The following ASB15 variants were observed in gnomAD, a reference collection of about 807,000 sequenced individuals.
ASB15 encodes the protein ankyrin repeat and SOCS box protein 15.
A neutral mutation model predicts 58.0 loss-of-function variants in ASB15; 54 were observed. That is an observed-to-expected ratio of 0.93 (90% confidence interval 0.75 to 1.17). The LOEUF (loss-of-function observed/expected upper bound fraction) is 1.17, where lower values mean the gene tolerates loss of function less well. Ranked by LOEUF, ASB15 falls within the 50% of genes most tolerant of loss-of-function variation. The probability of loss-of-function intolerance (pLI) is 0.00; values close to 1 mark genes in which losing one functional copy is unlikely to be tolerated. For synonymous variants in ASB15, 249 were observed against 262.4 expected, an observed-to-expected ratio of 0.95 and a Z score of 0.50; for missense variants, 680 against 707.4, an observed-to-expected ratio of 0.96 and a Z score of 0.44.
chr7:123,570,183 C>T (rs544317763), intron 1 of ASB15, among the ~76,000 whole-genome samples: 334 of 151,866 alleles, frequency 2.2e-3, no homozygotes, highest in Non-Finnish European at 3.4e-3. Flanking sequence ...CACAGGCGCC[C>T]GCCACCATGC....
chr7:123,574,905 T>TA (rs1562907295), intron 1 of ASB15, among the ~76,000 whole-genome samples: 1 of 151,834 alleles, frequency 6.6e-6, no homozygotes, highest in Non-Finnish European at 1.5e-5. Flanking sequence ...ACATCATACT[T>TA]GTTTAACTCT....
intron 6 of ASB15, among the ~76,000 whole-genome samples, chr7:123,616,907 T>C (rs1800854895): frequency 6.6e-6 from 1 of 152,202 alleles, no homozygotes; most frequent in South Asian, 2.1e-4. Context: ...GTACTGACAA[T>C]ACTGGTCTTT....
At chr7:123,576,418 G>A (rs1799067115) in intron 1 of ASB15, among the ~76,000 whole-genome samples, 1 of 152,042 alleles carries the variant, frequency 6.6e-6, no homozygotes, top group Non-Finnish European at 1.5e-5. Flanking sequence ...TTCCATGTGT[G>A]TGTGATTCAT....
At position 123,616,401 on chromosome 7, in the gene ASB15, A is replaced by C. The variant is rs748387387; in HGVS notation, c.198A>C (p.Lys66Asn). 5 of 1,607,644 alleles carry C rather than the reference A, an allele frequency of 3.1e-6. No individual in the cohort carries two copies. The African/African-American group carries it at 6.7e-5, about 22-fold the overall frequency. ...IPELQEYVKYKYAMDEADEKG... is the reference protein window; with the variant it reads ...IPELQEYVKYNYAMDEADEKG... The stretch of plus-strand genomic sequence containing the variant: ...AGCTCCAGGAGTATGTAAAATATAA[A>C]TATGCAATGGATGAAGCTGATGAAA... The change falls in exon 6 of 12, where the codon AAA becomes AAC. Residue 66 changes from lysine to asparagine, a missense_variant. By Grantham distance (94) the Lys-to-Asn change is moderately conservative. Transcript: ENST00000451215.
At chr7:123,588,447 T>C in intron 1 of ASB15, among the ~76,000 whole-genome samples, 1 of 151,668 alleles carries the variant, frequency 6.6e-6, no homozygotes, top group East Asian at 1.9e-4. Context: ...AATTTTATCT[T>C]TTCAAAAAGC....
chr7:123,574,161 C>T (rs962167161), intron 1 of ASB15, among the ~76,000 whole-genome samples: 6 of 150,912 alleles, frequency 4.0e-5, no homozygotes, highest in Non-Finnish European at 5.9e-5. Context: ...GACATCTCTT[C>T]TTTTTTTATA....
chr7:123,601,356 C>T (rs1306422215), upstream of ASB15, among the ~76,000 whole-genome samples: 1 of 152,030 alleles, frequency 6.6e-6, no homozygotes, highest in Non-Finnish European at 1.5e-5. Flanking sequence ...CTATCTCCGT[C>T]TGTATATCAG....
chr7:123,606,028 G>C (rs1800133782), intron 2 of ASB15, among the ~76,000 whole-genome samples: 1 of 152,046 alleles, frequency 6.6e-6, no homozygotes, highest in Non-Finnish European at 1.5e-5. Flanking sequence ...AAAGTCTGGA[G>C]ATATTATTTT....
upstream of ASB15, among the ~76,000 whole-genome samples, chr7:123,601,625 G>A (rs1449888168): frequency 6.6e-6 from 1 of 152,134 alleles, no homozygotes; most frequent in African/African-American, 2.4e-5. Flanking sequence ...TGAATTGGCA[G>A]GTCCTTTGTT....
At chr7:123,617,285 T>C (rs1348026119) in intron 6 of ASB15, among the ~76,000 whole-genome samples, 1 of 152,178 alleles carries the variant, frequency 6.6e-6, no homozygotes, top group Non-Finnish European at 1.5e-5. Context: ...TAAATTATAA[T>C]ACAAAGGATT....
chr7:123,614,021 G>A lies in ASB15; in HGVS notation c.-2-480G>A, dbSNP rs535307130. ...AGATCATGCCACTGCACTCCAGCCC[G>A]AGCGACAGAGCAAGACTCCATCTCC... On this transcript the variant is annotated intron_variant, in intron 3 of 11. Transcript: ENST00000451215. 7.9e-4 allele frequency: 121 copies of A among 153,318 alleles called. 2 individuals are homozygous for A. In the South Asian group the frequency reaches 0.023, roughly 29 times the overall value. The allele number at this position is 153,318 out of a possible 1,614,324, so 9.5% of individuals were successfully genotyped here.
intron 7 of ASB15, among the ~76,000 whole-genome samples, chr7:123,623,597 A>G (rs573895810): frequency 2.2e-4 from 34 of 152,132 alleles, no homozygotes; most frequent in East Asian, 1.7e-3. Context: ...CGGGCGTGGT[A>G]GCTCACACCT....
upstream of ASB15, among the ~76,000 whole-genome samples, chr7:123,598,493 T>G (rs1286396117): frequency 1.3e-5 from 2 of 152,186 alleles, no homozygotes; most frequent in Non-Finnish European, 2.9e-5. Context: ...AAGTACTTTG[T>G]TCGCAAAAGG....
intron 1 of ASB15, among the ~76,000 whole-genome samples, chr7:123,580,539 A>G (rs1255465765): frequency 6.6e-6 from 1 of 152,058 alleles, no homozygotes; most frequent in African/African-American, 2.4e-5. Context: ...TATGACACCT[A>G]CTTTGCAAGA....
rs560657870 is a variant in ASB15 at position 123,570,509 on chromosome 7, A to G, written c.-443+3421A>G. Among the ~76,000 whole-genome samples, 6 of 152,048 alleles carry G rather than the reference A, an allele frequency of 3.9e-5. No individual in the cohort carries two copies. In the South Asian group the frequency reaches 1.2e-3, roughly 32 times the overall value. ...GAATGGCCTTTTCTTTATTTCTGGA[A>G]TGATCTGGGCATGAGCAAGGAAAGC... On this transcript the variant is annotated intron_variant, in intron 1 of 13. Coordinates refer to the ASB15 transcript ENST00000451558.
intron 10 of ASB15, among the ~76,000 whole-genome samples, chr7:123,629,683 T>C (rs1354551117): frequency 6.6e-6 from 1 of 152,140 alleles, no homozygotes; most frequent in Non-Finnish European, 1.5e-5. Flanking sequence ...AAAATGTATG[T>C]AATTAGTCAC....
At chr7:123,586,522 T>C (rs1047410669) in intron 1 of ASB15, among the ~76,000 whole-genome samples, 1 of 151,876 alleles carries the variant, frequency 6.6e-6, no homozygotes, top group Non-Finnish European at 1.5e-5. Context: ...CTTTCGTTGA[T>C]TGTTTCCTTT....
chr7:123,625,481 T>G (rs1801712589), intron 8 of ASB15, among the ~76,000 whole-genome samples: 1 of 152,196 alleles, frequency 6.6e-6, no homozygotes, highest in South Asian at 2.1e-4. Context: ...TATCCCTCAC[T>G]GCTCCCATCT....
intron 7 of ASB15, among the ~76,000 whole-genome samples, chr7:123,619,577 G>A (rs2116553716): frequency 6.6e-6 from 1 of 152,234 alleles, no homozygotes; most frequent in East Asian, 1.9e-4. Flanking sequence ...AGGCTGGAGT[G>A]CAGTGGCGCA....
Sources: allele counts gnomAD v4.1 joint callset (sites outside exome capture counted in the v4.1 genomes callset), GRCh38; gene constraint gnomAD v4.1.1; transcripts MANE v1.5; gene names NCBI Gene and HGNC (gene_info 2026-07-23, HGNC 2026-07-21).